Variants in RARB observed in about 807,000 individuals in gnomAD.
The protein encoded by RARB is HBV-activated protein.
RARB carries 17 observed loss-of-function variants against 51.9 expected under a neutral mutation model. The observed-to-expected ratio is 0.33, with a 90% confidence interval of 0.22 to 0.49. The LOEUF (loss-of-function observed/expected upper bound fraction) is 0.49, where lower values mean the gene tolerates loss of function less well. Ranked by LOEUF, RARB falls within the 20% of genes least tolerant of loss-of-function variation. The probability of loss-of-function intolerance (pLI) is 0.99; values close to 1 mark genes in which losing one functional copy is unlikely to be tolerated. For missense variants in RARB, 369 were observed against 550.8 expected (o/e 0.67, Z 3.30); for synonymous variants, 215 against 195.4 (o/e 1.10, Z -0.84).
At chr3:25,183,154 C>T (rs1575202442) in intron 5 of RARB, among the ~76,000 whole-genome samples, 1 of 152,134 alleles carries the variant, frequency 6.6e-6, no homozygotes, top group African/African-American at 2.4e-5. Flanking sequence ...GAAACTTTCT[C>T]CCTCTAAAAA....
At chr3:25,510,194 C>T (rs938283104) in intron 3 of RARB, among the ~76,000 whole-genome samples, 1 of 152,230 alleles carries the variant, frequency 6.6e-6, no homozygotes, top group Non-Finnish European at 1.5e-5. Context: ...AGCTGGTATA[C>T]ACCCATGGGT....
At position 25,278,143 on chromosome 3, in the gene RARB, G is replaced by A. The variant is rs75916615; in HGVS notation, c.178+103568G>A. ...CCACTTCACGGCCATTATGAGCATT[G>A]TAGCTACAGGTTTTCTTGTACATTT... On this transcript the variant is annotated intron_variant, in intron 5 of 11. Transcript: ENST00000383772. 1.1e-3 allele frequency among the ~76,000 whole-genome samples: 173 copies of A among 152,284 alleles called. 1 individual carries two copies. Among genetic ancestry groups the A allele is most frequent in the African/African-American group, 4.1e-3 (169 of 41,546 alleles).
At chr3:25,054,421 C>A (rs1027246891) in intron 2 of RARB, among the ~76,000 whole-genome samples, 1 of 152,006 alleles carries the variant, frequency 6.6e-6, no homozygotes, top group African/African-American at 2.4e-5. Flanking sequence ...CCTGAGGGAG[C>A]TGAATGTCCT....
At chr3:25,339,069 T>A (rs1339317179) in intron 5 of RARB, among the ~76,000 whole-genome samples, 1 of 152,226 alleles carries the variant, frequency 6.6e-6, no homozygotes, top group Non-Finnish European at 1.5e-5. Context: ...TACTTCATAA[T>A]AAATTCAAGA....
chr3:25,285,480 A>T (rs1446547910), intron 5 of RARB, among the ~76,000 whole-genome samples: 2 of 152,206 alleles, frequency 1.3e-5, no homozygotes, highest in African/African-American at 4.8e-5. Context: ...TAGTGACATG[A>T]TCACTTCAGA....
chr3:24,884,719 C>T lies in RARB; in HGVS notation c.-380+25967C>T, dbSNP rs1180096912. On this transcript the variant is annotated intron_variant, in intron 2 of 11. Transcript: ENST00000383772. Reference sequence around the variant, plus strand: ...TAACAGTTATCAAATGGTTAAATACCATTGAGTGGAATCTCATGTTTTTGT... The same window carrying T: ...TAACAGTTATCAAATGGTTAAATACTATTGAGTGGAATCTCATGTTTTTGT... Among the ~76,000 whole-genome samples the T allele has an allele frequency of 2.0e-5, 3 of 152,092 alleles. No individual in the cohort carries two copies. In the East Asian group the frequency reaches 5.8e-4, roughly 30 times the overall value.
intron 3 of RARB, among the ~76,000 whole-genome samples, chr3:25,080,129 T>A (rs1698964572): frequency 6.6e-6 from 1 of 152,228 alleles, no homozygotes; most frequent in African/African-American, 2.4e-5. Context: ...GCCTCTAATG[T>A]ACTTTGTCTC....
intron 3 of RARB, among the ~76,000 whole-genome samples, chr3:25,568,992 C>T (rs905465928): frequency 6.8e-6 from 1 of 147,872 alleles, no homozygotes; most frequent in Admixed American, 6.7e-5. Flanking sequence ...TGGGCCCTGA[C>T]TTTGTGCCTG....
chr3:25,063,306 G>A (rs1698588350), intron 3 of RARB, among the ~76,000 whole-genome samples: 1 of 151,980 alleles, frequency 6.6e-6, no homozygotes, highest in African/African-American at 2.4e-5. Context: ...TAAGAAAGGT[G>A]ATTTGAAGGT....
intron 5 of RARB, among the ~76,000 whole-genome samples, chr3:25,263,430 A>C (rs1303885559): frequency 6.6e-6 from 1 of 152,112 alleles, no homozygotes; most frequent in African/African-American, 2.4e-5. Flanking sequence ...TGCCAACCCA[A>C]ACAATCCCTT....
At chr3:25,471,390 C>T (rs185866544) in intron 2 of RARB, among the ~76,000 whole-genome samples, 2 of 152,196 alleles carry the variant, frequency 1.3e-5, no homozygotes, top group African/African-American at 4.8e-5. Context: ...CGAGGAACCT[C>T]AAGACAGCTG....
intron 2 of RARB, among the ~76,000 whole-genome samples, chr3:24,869,024 C>T (rs1702899364): frequency 6.6e-6 from 1 of 152,116 alleles, no homozygotes; most frequent in African/African-American, 2.4e-5. Context: ...TCATGTTTGG[C>T]TCAGAATAAA....
At chr3:25,550,559 C>T (rs1263829812) in intron 3 of RARB, among the ~76,000 whole-genome samples, 3 of 152,156 alleles carry the variant, frequency 2.0e-5, no homozygotes, top group Non-Finnish European at 2.9e-5. Flanking sequence ...TACGTCACCT[C>T]CCAAAGGCCT....
intron 5 of RARB, among the ~76,000 whole-genome samples, chr3:25,214,094 T>C (rs574385885): frequency 4.6e-5 from 7 of 152,310 alleles, no homozygotes; most frequent in South Asian, 2.1e-4. Context: ...TCAGCATAGA[T>C]AGATGGGAGT....
chr3:25,253,893 C>T (rs1575260355), intron 5 of RARB, among the ~76,000 whole-genome samples: 1 of 152,244 alleles, frequency 6.6e-6, no homozygotes, highest in East Asian at 1.9e-4. Context: ...GTGAGAACCT[C>T]TAATAGACAC....
intron 1 of RARB, among the ~76,000 whole-genome samples, chr3:24,841,941 A>G (rs1270697629): frequency 1.3e-4 from 20 of 152,196 alleles, no homozygotes; most frequent in Admixed American, 1.3e-3. Context: ...CCTATTGAGA[A>G]ATGCTCTCTT....
In RARB at chr3:25,454,054, C is replaced by A. The variant is rs1262161909; in HGVS notation, c.158-7139C>A. On this transcript the variant is annotated intron_variant, in intron 1 of 7. Transcript: ENST00000330688. Reference sequence around the variant, plus strand: ...CCTGAAAGATGATTAAAAGCAGATCCTCTCCTGAAAAGGCGACATAAAAAT... The same window carrying A: ...CCTGAAAGATGATTAAAAGCAGATCATCTCCTGAAAAGGCGACATAAAAAT... Among the ~76,000 whole-genome samples, 4 of 152,222 alleles carry A rather than the reference C, an allele frequency of 2.6e-5. No homozygotes were observed. In the East Asian group the frequency reaches 5.8e-4, roughly 22 times the overall value.
chr3:25,071,973 C>G (rs971726182), intron 3 of RARB, among the ~76,000 whole-genome samples: 1 of 152,230 alleles, frequency 6.6e-6, no homozygotes, highest in South Asian at 2.1e-4. Flanking sequence ...ATGCTACCTA[C>G]AAGTGGCATA....
chr3:25,092,219 T>C (rs923637418), intron 3 of RARB, among the ~76,000 whole-genome samples: 4 of 152,158 alleles, frequency 2.6e-5, no homozygotes, highest in African/African-American at 9.7e-5. Context: ...CGTTAAGTGA[T>C]GGAAAAAAGT....
Sources: gnomAD v4.1 joint callset for allele counts (sites outside exome capture counted in the v4.1 genomes callset) on GRCh38, gnomAD v4.1.1 for gene constraint, MANE v1.5 for transcripts, NCBI Gene and HGNC (gene_info 2026-07-23, HGNC 2026-07-21) for gene names.